The following AMD1 variants were observed in gnomAD, a reference collection of about 807,000 sequenced individuals.
The protein encoded by AMD1 is adenosylmethionine decarboxylase 1.
Under a neutral mutation model 40.2 loss-of-function variants are expected in AMD1, and 11 were observed. That is an observed-to-expected ratio of 0.27 (90% CI 0.17 to 0.45). The LOEUF is 0.45. Ranked by LOEUF, AMD1 falls within the 20% of genes least tolerant of loss-of-function variation. The pLI is 1.00. For missense variants in AMD1, 257 were observed against 410.2 expected (o/e 0.63, Z 3.23); for synonymous variants, 121 against 130.8 (o/e 0.93, Z 0.51).
chr6:110,858,784 C>A, the AMD1 span: 1 of 765,340 alleles, frequency 1.3e-6, no homozygotes, highest in Non-Finnish European at 2.4e-6. Flanking sequence ...CGGGCATGAC[C>A]GCGTACAGCA....
the AMD1 span, among the ~76,000 whole-genome samples, chr6:110,817,120 T>G: frequency 2.6e-5 from 4 of 152,136 alleles, no homozygotes; most frequent in Non-Finnish European, 5.9e-5. Context: ...TTAAACATGA[T>G]TGGTGCTAGG....
At chr6:110,848,983 G>A in the AMD1 span, among the ~76,000 whole-genome samples, 2 of 152,178 alleles carry the variant, frequency 1.3e-5, no homozygotes, top group African/African-American at 2.4e-5. Context: ...TCCAGCCTGC[G>A]TAACAAAGAC....
chr6:110,866,083 T>C, the AMD1 span, among the ~76,000 whole-genome samples: 1 of 152,190 alleles, frequency 6.6e-6, no homozygotes, highest in South Asian at 2.1e-4. Flanking sequence ...TTTCAAAAAA[T>C]TAAATTAAAA....
At chr6:110,821,254 G>C in the AMD1 span, among the ~76,000 whole-genome samples, 1 of 152,202 alleles carries the variant, frequency 6.6e-6, no homozygotes. Context: ...ATATTTTGGA[G>C]TTCTGTTTTC....
intron 2 of AMD1, chr6:110,888,263 T>C (rs1186950465): frequency 6.6e-6 from 1 of 152,270 alleles, no homozygotes; most frequent in Non-Finnish European, 1.5e-5. Flanking sequence ...TTAATGCTTA[T>C]AGTATATATT....
rs1234305899 is a variant in AMD1, at chr6:110,893,508, C to T, written c.897C>T (p.Pro299=). The change falls in exon 9 of 9, where the codon CCC becomes CCT. Residue 299 remains proline, a synonymous_variant. Coordinates refer to ENST00000368885, the MANE Select transcript of AMD1 (RefSeq NM_001634.6). The part of the protein sequence containing the change: ...SSKCRTVLAS[P]QKIEGFKRLD... The stretch of plus-strand genomic sequence containing the variant: ...AATGTCGCACAGTGCTTGCTTCGCC[C>T]CAGAAGATTGAAGGTTTTAAGCGTC... 2 of 1,613,904 alleles carry T rather than the reference C, an allele frequency of 1.2e-6. No individual in the cohort carries two copies. The highest frequency in any genetic ancestry group is 2.2e-5 in the South Asian group (2 of 91,072).
At chr6:110,889,017 A>G (rs750226507) in intron 3 of AMD1, 34 bp downstream of exon 3, 6 of 1,606,414 alleles carry the variant, frequency 3.7e-6, no homozygotes, top group East Asian at 2.2e-5. Context: ...TTTTTCAGGC[A>G]TAAATGTTAG....
intron 1 of AMD1, among the ~76,000 whole-genome samples, chr6:110,881,412 A>G (rs1443604017): frequency 2.0e-5 from 3 of 152,188 alleles, no homozygotes; most frequent in Non-Finnish European, 4.4e-5. Flanking sequence ...GTTGAGAACC[A>G]CTGAGTTAGA....
At chr6:110,841,916 C>T in the AMD1 span, among the ~76,000 whole-genome samples, 1 of 152,154 alleles carries the variant, frequency 6.6e-6, no homozygotes, top group African/African-American at 2.4e-5. Flanking sequence ...AATTCTCCTG[C>T]CTCGGCCTCC....
the AMD1 span, among the ~76,000 whole-genome samples, chr6:110,830,845 G>A: frequency 6.6e-6 from 1 of 152,120 alleles, no homozygotes; most frequent in Non-Finnish European, 1.5e-5. Flanking sequence ...GACCTCCTGG[G>A]CTCAAGCAAT....
chr6:110,831,402 G>A, the AMD1 span, among the ~76,000 whole-genome samples: 2 of 150,026 alleles, frequency 1.3e-5, no homozygotes, highest in African/African-American at 2.5e-5. Context: ...CCGTGGCATT[G>A]TACTCCAACC....
At chr6:110,893,375 G>A (rs1786140254) in intron 8 of AMD1, 101 bp from the exon 9 acceptor site, 5 of 1,465,516 alleles carry the variant, frequency 3.4e-6, no homozygotes, top group East Asian at 4.5e-5. Flanking sequence ...TAACTCAGAT[G>A]TCTTAGTTTC....
the AMD1 span, among the ~76,000 whole-genome samples, chr6:110,818,431 G>T: frequency 9.9e-5 from 15 of 152,262 alleles, no homozygotes; most frequent in African/African-American, 3.6e-4. Flanking sequence ...AGCATTATTG[G>T]ATTAATTTGT....
At chr6:110,853,235 G>A in the AMD1 span, among the ~76,000 whole-genome samples, 2 of 151,472 alleles carry the variant, frequency 1.3e-5, no homozygotes, top group Non-Finnish European at 2.9e-5. Flanking sequence ...CAATTCTCCT[G>A]CGTCAGCCTC....
the AMD1 span, among the ~76,000 whole-genome samples, chr6:110,843,357 G>A: frequency 7.3e-5 from 11 of 150,730 alleles, no homozygotes; most frequent in Admixed American, 3.3e-4. Flanking sequence ...CCAGCTACAC[G>A]GGAGGCTGAG....
chr6:110,837,773 T>TATA, the AMD1 span, among the ~76,000 whole-genome samples: 4 of 113,038 alleles, frequency 3.5e-5, no homozygotes, highest in Non-Finnish European at 7.2e-5. Flanking sequence ...TATATATATA[T>TATA]TCCTCTGGGT....
the AMD1 span, among the ~76,000 whole-genome samples, chr6:110,843,332 T>C: frequency 6.6e-6 from 1 of 150,394 alleles, no homozygotes; most frequent in Non-Finnish European, 1.5e-5. Context: ...GGCGCAGTGG[T>C]GCAGGCCTAT....
At chr6:110,848,622 A>G in the AMD1 span, 2 of 574,450 alleles carry the variant, frequency 3.5e-6, no homozygotes, top group Admixed American at 5.3e-5. Flanking sequence ...TTCTTTTGCA[A>G]CCCAGAACTC....
the AMD1 span, among the ~76,000 whole-genome samples, chr6:110,826,500 A>G: frequency 6.6e-6 from 1 of 151,926 alleles, no homozygotes; most frequent in Non-Finnish European, 1.5e-5. Context: ...TCTGAAATCA[A>G]GATGTCTGGA....
Sources: gnomAD v4.1 joint callset for allele counts (sites outside exome capture counted in the v4.1 genomes callset) on GRCh38, gnomAD v4.1.1 for gene constraint, MANE v1.5 for transcripts, NCBI Gene and HGNC (gene_info 2026-07-23, HGNC 2026-07-21) for gene names.